FCHSD2: variants seen among roughly 807,000 people sequenced by gnomAD.
FCHSD2 encodes F-BAR and double SH3 domains protein 2.
Under a neutral mutation model 108.1 loss-of-function variants are expected in FCHSD2, and 38 were observed. The observed-to-expected ratio is 0.35, with a 90% CI of 0.27 to 0.46. The LOEUF (loss-of-function observed/expected upper bound fraction) is 0.46, where lower values mean the gene tolerates loss of function less well. Ranked by LOEUF, FCHSD2 falls within the 20% of genes least tolerant of loss-of-function variation. FCHSD2 has a pLI of 1.00. For synonymous variants in FCHSD2, 279 were observed against 314.7 expected, an observed-to-expected ratio of 0.89 and a Z score of 1.20; for missense variants, 751 against 897.8, an observed-to-expected ratio of 0.84 and a Z score of 2.09.
At chr11:72,984,586 A>C (rs1366155189) in intron 7 of FCHSD2, among the ~76,000 whole-genome samples, 2 of 152,082 alleles carry the variant, frequency 1.3e-5, no homozygotes, top group Non-Finnish European at 2.9e-5. Flanking sequence ...AAAAATCAGC[A>C]CTCCTAATGT....
chr11:73,049,467 G>A (rs559714644), intron 3 of FCHSD2, among the ~76,000 whole-genome samples: 1 of 148,816 alleles, frequency 6.7e-6, no homozygotes, highest in South Asian at 2.1e-4. Context: ...ACTGGGAATG[G>A]GATGTAGACT....
chr11:73,085,627 G>A (rs1480742188), intron 2 of FCHSD2, among the ~76,000 whole-genome samples: 1 of 152,132 alleles, frequency 6.6e-6, no homozygotes, highest in Non-Finnish European at 1.5e-5. Context: ...GAAGGTGCAG[G>A]TTCACAAAAG....
intron 3 of FCHSD2, among the ~76,000 whole-genome samples, chr11:73,071,230 C>T (rs1410801439): frequency 2.0e-5 from 3 of 152,154 alleles, no homozygotes; most frequent in African/African-American, 7.2e-5. Flanking sequence ...TTCAGAGTTA[C>T]AAAAACTAGT....
intron 9 of FCHSD2, among the ~76,000 whole-genome samples, chr11:72,906,716 C>A (rs1428730522): frequency 6.6e-6 from 1 of 152,134 alleles, no homozygotes; most frequent in Non-Finnish European, 1.5e-5. Flanking sequence ...TCAGGTTTAT[C>A]AAAGATCAGA....
At chr11:72,981,254 T>C (rs985375465) in intron 8 of FCHSD2, among the ~76,000 whole-genome samples, 2 of 152,200 alleles carry the variant, frequency 1.3e-5, no homozygotes, top group Non-Finnish European at 2.9e-5. Flanking sequence ...TTTCATTAAA[T>C]GAATACTCCA....
At chr11:73,066,714 G>A (rs77393660) in intron 3 of FCHSD2, among the ~76,000 whole-genome samples, 1 of 151,876 alleles carries the variant, frequency 6.6e-6, no homozygotes, top group African/African-American at 2.4e-5. Flanking sequence ...CATTTATGTA[G>A]CCAACAGACA....
At chr11:73,040,893 C>T (rs1029194934) in intron 3 of FCHSD2, among the ~76,000 whole-genome samples, 2 of 152,132 alleles carry the variant, frequency 1.3e-5, no homozygotes, top group Admixed American at 1.3e-4. Flanking sequence ...CTGCTCCCCC[C>T]CCTCTTTGGT....
At chr11:72,880,611 T>G (rs80212858) in intron 12 of FCHSD2, among the ~76,000 whole-genome samples, 1 of 152,150 alleles carries the variant, frequency 6.6e-6, no homozygotes, top group African/African-American at 2.4e-5. Flanking sequence ...GATTAAAGAC[T>G]TTAAAAATAA....
chr11:73,007,905 T>G (rs1857776674), intron 4 of FCHSD2, among the ~76,000 whole-genome samples: 1 of 152,238 alleles, frequency 6.6e-6, no homozygotes, highest in African/African-American at 2.4e-5. Context: ...GAGCACTCTT[T>G]GTATTTATTA....
intron 19 of FCHSD2, among the ~76,000 whole-genome samples, chr11:72,840,213 C>T (rs1860871287): frequency 6.6e-6 from 1 of 152,196 alleles, no homozygotes; most frequent in African/African-American, 2.4e-5. Context: ...ACAATGGCTT[C>T]CTGTCTCATT....
At chr11:72,987,643 A>C (rs893899596) in intron 6 of FCHSD2, among the ~76,000 whole-genome samples, 1 of 152,192 alleles carries the variant, frequency 6.6e-6, no homozygotes, top group African/African-American at 2.4e-5. Context: ...ATTCCTTGTG[A>C]TCAGCTCTGT....
At chr11:72,943,537 T>C (rs567924014) in intron 8 of FCHSD2, among the ~76,000 whole-genome samples, 14 of 152,148 alleles carry the variant, frequency 9.2e-5, no homozygotes, top group African/African-American at 3.4e-4. Flanking sequence ...ATAGCTTTAA[T>C]GAAAGGGAAG....
At chr11:73,058,588 T>G (rs138243522) in intron 3 of FCHSD2, among the ~76,000 whole-genome samples, 2,740 of 151,996 alleles carry the variant, frequency 0.018, 30 homozygotes, top group Non-Finnish European at 0.029. Context: ...TTAGGTTTAT[T>G]TCATTTTCCT....
intron 2 of FCHSD2, among the ~76,000 whole-genome samples, chr11:73,139,714 A>G (rs1319912918): frequency 2.0e-5 from 3 of 152,246 alleles, no homozygotes; most frequent in African/African-American, 7.2e-5. Context: ...AAAACCGTTA[A>G]GGTCAATAAA....
chr11:73,079,702 TTGTC>T (rs957849662), intron 3 of FCHSD2, among the ~76,000 whole-genome samples: 2 of 152,140 alleles, frequency 1.3e-5, no homozygotes, highest in Non-Finnish European at 2.9e-5. Context: ...AGAAATATCT[TTGTC>T]TATATACTCA....
At chr11:72,912,990 C>T (rs957552647) in intron 9 of FCHSD2, among the ~76,000 whole-genome samples, 5 of 152,118 alleles carry the variant, frequency 3.3e-5, no homozygotes, top group African/African-American at 1.2e-4. Context: ...CGGACACTTA[C>T]AATCATGGCA....
chr11:73,102,011 T>C (rs1182219512), intron 2 of FCHSD2, among the ~76,000 whole-genome samples: 1 of 152,188 alleles, frequency 6.6e-6, no homozygotes, highest in East Asian at 1.9e-4. Context: ...TAAAATCCAA[T>C]GCTACAATTG....
At position 72,842,997 on chromosome 11, in the gene FCHSD2, T is replaced by G. The variant is rs867398749; in HGVS notation, c.1705+154A>C. On this transcript the variant is annotated intron_variant, in intron 16 of 19. Transcript: ENST00000409418. ...CACTGATGAATGATTAACTTTAGGG[T>G]TCTACTGTGCAGGACAAACGTGACC... The G allele has an allele frequency of 4.5e-6, 4 of 883,106 alleles. No individual in the cohort carries two copies. The East Asian group carries it at 1.1e-4, about 23-fold the overall frequency. The allele number at this position is 883,106 out of a possible 1,614,324, so 54.7% of individuals were successfully genotyped here.
chr11:73,114,873 G>A (rs1217465127), intron 2 of FCHSD2, among the ~76,000 whole-genome samples: 1 of 152,060 alleles, frequency 6.6e-6, no homozygotes, highest in Non-Finnish European at 1.5e-5. Context: ...GCTACAAGCT[G>A]TGCGCCCAAA....
Sources: gnomAD v4.1 joint callset for allele counts (sites outside exome capture counted in the v4.1 genomes callset) on GRCh38, gnomAD v4.1.1 for gene constraint, MANE v1.5 for transcripts, NCBI Gene and HGNC (gene_info 2026-07-23, HGNC 2026-07-21) for gene names.